VMP1: variants seen among roughly 807,000 people sequenced by gnomAD.
VMP1 encodes the protein ectopic P-granules autophagy protein 3 homolog.
In VMP1, 11 loss-of-function variants were observed where a neutral mutation model predicts 56.0. That is an observed-to-expected ratio of 0.20 (90% CI 0.12 to 0.32). The LOEUF (loss-of-function observed/expected upper bound fraction) is 0.32. Among genes scored for constraint, VMP1 ranks in the 10% least tolerant of loss-of-function variants. The pLI is 1.00. For synonymous variants in VMP1, 149 were observed against 165.0 expected (o/e 0.90, Z 0.74); for missense variants, 296 against 490.3 (o/e 0.60, Z 3.74).
At chr17:59,825,138 G>A (rs1166815789) in intron 10 of VMP1, among the ~76,000 whole-genome samples, 1 of 140,468 alleles carries the variant, frequency 7.1e-6, no homozygotes, top group Non-Finnish European at 1.5e-5. Context: ...CCAGGCTGGA[G>A]CGCTGTGGTG....
chr17:59,826,463 T>A (rs1245644660), intron 10 of VMP1, among the ~76,000 whole-genome samples: 1 of 152,176 alleles, frequency 6.6e-6, no homozygotes, highest in African/African-American at 2.4e-5. Context: ...GTTTTGTAAA[T>A]ATTTGTTGAC....
chr17:59,773,901 A>T lies in VMP1; in HGVS notation c.714+16A>T. On this transcript the variant is annotated intron_variant, in intron 7 of 11. Transcript: ENST00000262291. The stretch of plus-strand genomic sequence containing the variant: ...GTCTGCACAAGTAAGAACAGTGGGG[A>T]TAGAAAATAGAACACTTTACTTCTT... 6.3e-7 allele frequency: 1 copy of T among 1,588,936 alleles called. No individual in the cohort carries two copies. The highest frequency in any genetic ancestry group is 1.1e-5 in the South Asian group (1 of 87,194).
intron 5 of VMP1, among the ~76,000 whole-genome samples, chr17:59,755,093 G>A (rs958632090): frequency 1.3e-5 from 2 of 148,278 alleles, no homozygotes; most frequent in African/African-American, 5.0e-5. Context: ...GGTGAAACAT[G>A]CCTTCTTTTT....
chr17:59,757,888 A>G (rs1244625971), intron 5 of VMP1, among the ~76,000 whole-genome samples: 1 of 41,648 alleles, frequency 2.4e-5, no homozygotes, highest in African/African-American at 5.2e-5. Flanking sequence ...TTTTTTTAAG[A>G]CAGGGTCTCA....
intron 5 of VMP1, among the ~76,000 whole-genome samples, chr17:59,759,366 T>C (rs966479375): frequency 7.4e-6 from 1 of 135,696 alleles, no homozygotes; most frequent in East Asian, 2.1e-4. Context: ...AGAGTGAGAC[T>C]CTGTCTCAAA....
intron 1 of VMP1, among the ~76,000 whole-genome samples, chr17:59,728,653 A>G (rs1416352010): frequency 1.3e-5 from 2 of 151,966 alleles, no homozygotes; most frequent in South Asian, 2.1e-4. Context: ...AGCCTGGGCA[A>G]CATAACTAAA....
At position 59,832,911 on chromosome 17, in the gene VMP1, G is replaced by A. The variant is rs562493538; in HGVS notation, c.975-5384G>A. On this transcript the variant is annotated intron_variant, in intron 10 of 11. Transcript: ENST00000262291. ...CAGGCATGAACCACCATGCCCGGCC[G>A]AAATGGTAATTCTTTGAATTTAATC... Among the ~76,000 whole-genome samples, 10 of 151,892 alleles carry A rather than the reference G, an allele frequency of 6.6e-5. No individual in the cohort carries two copies. In the East Asian group the frequency reaches 1.9e-3, roughly 29 times the overall value.
At chr17:59,729,905 T>C (rs2034759743) in intron 1 of VMP1, 1 of 152,184 alleles carries the variant, frequency 6.6e-6, no homozygotes, top group African/African-American at 2.4e-5. Flanking sequence ...AGGCTAGTCT[T>C]GAACTCCTGA....
intron 5 of VMP1, among the ~76,000 whole-genome samples, chr17:59,759,825 A>G (rs918955645): frequency 2.9e-5 from 4 of 136,590 alleles, no homozygotes; most frequent in Non-Finnish European, 6.5e-5. Flanking sequence ...CTAATTTTTC[A>G]TTCCTTTTTC....
intron 10 of VMP1, among the ~76,000 whole-genome samples, chr17:59,818,287 A>G (rs911593731): frequency 6.6e-6 from 1 of 152,118 alleles, no homozygotes; most frequent in African/African-American, 2.4e-5. Flanking sequence ...GAATCGCTTG[A>G]ACCTGGGAGG....
At chr17:59,711,629 A>T (rs951258108) in intron 1 of VMP1, among the ~76,000 whole-genome samples, 3 of 152,216 alleles carry the variant, frequency 2.0e-5, no homozygotes, top group African/African-American at 7.2e-5. Context: ...GGTATTATGT[A>T]GGCCCTTATA....
At chr17:59,719,338 C>CAAACAAACAAAT (rs1009315765) in intron 1 of VMP1, among the ~76,000 whole-genome samples, 7 of 151,980 alleles carry the variant, frequency 4.6e-5, no homozygotes, top group African/African-American at 1.7e-4. Context: ...AACAAACAAA[C>CAAACAAACAAAT]AAATAGATAC....
chr17:59,833,711 C>G (rs930430756), intron 10 of VMP1, among the ~76,000 whole-genome samples: 36 of 152,094 alleles, frequency 2.4e-4, no homozygotes, highest in African/African-American at 8.2e-4. Context: ...TAAAGTGTAT[C>G]TCTTTTTAAA....
chr17:59,788,453 C>T (rs990273668), intron 7 of VMP1, among the ~76,000 whole-genome samples: 6 of 151,296 alleles, frequency 4.0e-5, no homozygotes, highest in African/African-American at 1.5e-4. Flanking sequence ...CACCACTGCA[C>T]TCCAGCCTGG....
intron 10 of VMP1, among the ~76,000 whole-genome samples, chr17:59,828,112 A>G (rs554082281): frequency 1.4e-4 from 21 of 152,218 alleles, no homozygotes; most frequent in Non-Finnish European, 2.6e-4. Context: ...TTGGCAACCA[A>G]TCAGTTTTAC....
intron 5 of VMP1, among the ~76,000 whole-genome samples, chr17:59,739,949 C>A (rs1036646625): frequency 6.7e-6 from 1 of 149,298 alleles, no homozygotes; most frequent in African/African-American, 2.5e-5. Flanking sequence ...TAGTGGCAGG[C>A]GCCTGTAGTC....
At chr17:59,780,051 T>A (rs184452557) in intron 7 of VMP1, among the ~76,000 whole-genome samples, 1 of 152,314 alleles carries the variant, frequency 6.6e-6, no homozygotes, top group East Asian at 1.9e-4. Context: ...TGTCCCTGAT[T>A]AGTTACTTTT....
chr17:59,762,887 ATT>A (rs946466677), intron 5 of VMP1, among the ~76,000 whole-genome samples: 10 of 152,124 alleles, frequency 6.6e-5, no homozygotes, highest in African/African-American at 2.4e-4. Flanking sequence ...GTTAGGATAC[ATT>A]TTTTATATTT....
intron 1 of VMP1, among the ~76,000 whole-genome samples, chr17:59,713,947 A>G (rs893228106): frequency 3.3e-5 from 5 of 150,844 alleles, no homozygotes; most frequent in African/African-American, 9.8e-5. Flanking sequence ...AGGCTGAGGC[A>G]TTAGAATCGC....
Sources: allele counts gnomAD v4.1 joint callset (sites outside exome capture counted in the v4.1 genomes callset), GRCh38; gene constraint gnomAD v4.1.1; transcripts MANE v1.5; gene names NCBI Gene and HGNC (gene_info 2026-07-23, HGNC 2026-07-21).